The following FOXP1 variants were observed in gnomAD, a reference collection of about 807,000 sequenced individuals.
The protein encoded by FOXP1 is forkhead box protein P1.
In FOXP1, 15 loss-of-function variants were observed where a neutral mutation model predicts 98.2. The ratio of observed to expected loss-of-function variants is 0.15; its 90% confidence interval spans 0.10 to 0.24. FOXP1 has a LOEUF of 0.24. Ranked by LOEUF, FOXP1 falls within the 10% of genes least tolerant of loss-of-function variation. The probability of loss-of-function intolerance (pLI) is 1.00; values close to 1 mark genes in which losing one functional copy is unlikely to be tolerated. For missense variants in FOXP1, 633 were observed against 848.5 expected (o/e 0.75, Z 3.15); for synonymous variants, 371 against 314.5 (o/e 1.18, Z -1.90).
chr3:71,043,075 T>C (rs560242355), intron 10 of FOXP1, among the ~76,000 whole-genome samples: 6 of 152,284 alleles, frequency 3.9e-5, no homozygotes, highest in African/African-American at 1.4e-4. Context: ...CCCGCCTTTC[T>C]GAGAGGAGCG....
At chr3:71,239,225 C>T (rs1374935001) in intron 5 of FOXP1, among the ~76,000 whole-genome samples, 1 of 152,180 alleles carries the variant, frequency 6.6e-6, no homozygotes, top group African/African-American at 2.4e-5. Flanking sequence ...TTCTCCTCTT[C>T]CCTGTCTCCC....
chr3:71,428,309 G>A (rs941802531), intron 3 of FOXP1, among the ~76,000 whole-genome samples: 2 of 152,198 alleles, frequency 1.3e-5, no homozygotes, highest in Non-Finnish European at 2.9e-5. Flanking sequence ...CTCCAAGTGG[G>A]ACACTCTGTC....
intron 3 of FOXP1, among the ~76,000 whole-genome samples, chr3:71,400,004 C>T (rs2081840969): frequency 6.6e-6 from 1 of 152,046 alleles, no homozygotes; most frequent in Admixed American, 6.5e-5. Flanking sequence ...ACACCAATGC[C>T]AAATCTAATT....
chr3:71,037,715 G>A (rs1209936045), intron 11 of FOXP1, among the ~76,000 whole-genome samples: 2 of 152,152 alleles, frequency 1.3e-5, no homozygotes, highest in East Asian at 1.9e-4. Context: ...ATCAAAGCAC[G>A]AAGCATGGTG....
Position 70,965,955 on chromosome 3 carries a change from C to G in FOXP1, c.1824G>C (p.Gly608=). ...LASAIREELN[G]AMEHTNSNES... The stretch of plus-strand genomic sequence containing the variant: ...CGTTGCTGTTGGTATGCTCCATTGC[C>G]CCGTTCAGCTCTTCCCGTATTGCGC... The change falls in exon 20 of 21, where the codon GGG becomes GGC. Residue 608 remains glycine, a synonymous_variant. Coordinates refer to ENST00000649528, the MANE Select transcript of FOXP1 (RefSeq NM_001349338.3). 1 of 1,614,084 alleles carries G rather than the reference C, an allele frequency of 6.2e-7. No individual in the cohort carries two copies. The highest frequency in any genetic ancestry group is 1.1e-5 in the South Asian group (1 of 91,078).
chr3:71,425,662 T>C (rs1000146123), intron 3 of FOXP1, among the ~76,000 whole-genome samples: 5 of 151,924 alleles, frequency 3.3e-5, no homozygotes, highest in African/African-American at 1.2e-4. Flanking sequence ...TCAACCATAA[T>C]AACTCAACTT....
At chr3:71,096,899 C>T (rs534065570) in intron 7 of FOXP1, among the ~76,000 whole-genome samples, 4 of 152,122 alleles carry the variant, frequency 2.6e-5, no homozygotes, top group Non-Finnish European at 5.9e-5. Context: ...TTCACCATTA[C>T]ACCTATCTTA....
chr3:71,373,058 G>T (rs574728998), intron 3 of FOXP1, among the ~76,000 whole-genome samples: 8 of 152,248 alleles, frequency 5.3e-5, no homozygotes, highest in African/African-American at 1.9e-4. Flanking sequence ...TTGTCTGCAC[G>T]CTGAGCTCCT....
At chr3:71,212,619 AATACAAGTTCAGAGTTTATTTAGT>A (rs1358343353) in intron 5 of FOXP1, among the ~76,000 whole-genome samples, 1 of 152,190 alleles carries the variant, frequency 6.6e-6, no homozygotes, top group Non-Finnish European at 1.5e-5. Context: ...GCCTTTCCAC[AATACAAGTTCAGAGTTTATTTAGT>A]AGCAAGTAAC....
intron 2 of FOXP1, among the ~76,000 whole-genome samples, chr3:71,535,770 A>G (rs2044242201): frequency 1.3e-5 from 2 of 152,158 alleles, no homozygotes; most frequent in South Asian, 4.1e-4. Context: ...AACTCTGTTC[A>G]GGCTCCTGGT....
chr3:71,283,957 C>T (rs2071834201), intron 5 of FOXP1, among the ~76,000 whole-genome samples: 1 of 152,180 alleles, frequency 6.6e-6, no homozygotes, highest in South Asian at 2.1e-4. Flanking sequence ...AGTATCCCCA[C>T]TCCTTCAAAC....
intron 3 of FOXP1, among the ~76,000 whole-genome samples, chr3:71,484,540 T>G (rs1406404965): frequency 6.6e-6 from 1 of 152,146 alleles, no homozygotes; most frequent in African/African-American, 2.4e-5. Flanking sequence ...TATCTAACAT[T>G]TGCAAGGTGT....
At chr3:71,007,102 T>C (rs556527203) in intron 12 of FOXP1, among the ~76,000 whole-genome samples, 1 of 152,188 alleles carries the variant, frequency 6.6e-6, no homozygotes, top group South Asian at 2.1e-4. Context: ...AAAAAAGACA[T>C]TAAAAGGGGG....
chr3:71,159,283 G>A (rs1027190499), intron 6 of FOXP1, among the ~76,000 whole-genome samples: 5 of 152,074 alleles, frequency 3.3e-5, no homozygotes, highest in African/African-American at 1.2e-4. Context: ...ATGATTAAGA[G>A]GATGGAAAAT....
intron 5 of FOXP1, among the ~76,000 whole-genome samples, chr3:71,219,310 C>A (rs765039390): frequency 6.6e-6 from 1 of 152,184 alleles, no homozygotes; most frequent in African/African-American, 2.4e-5. Flanking sequence ...AGGCCTATAT[C>A]CTCCAGGCCT....
At chr3:71,142,856 G>C (rs1262693146) in intron 6 of FOXP1, among the ~76,000 whole-genome samples, 1 of 152,174 alleles carries the variant, frequency 6.6e-6, no homozygotes, top group Non-Finnish European at 1.5e-5. Flanking sequence ...CAGAAAAAGA[G>C]ATGAAATCAC....
At chr3:71,282,144 G>A (rs907341569) in intron 5 of FOXP1, among the ~76,000 whole-genome samples, 2 of 151,968 alleles carry the variant, frequency 1.3e-5, no homozygotes, top group South Asian at 4.2e-4. Context: ...GATAAGCCGA[G>A]AAGATCCCTC....
intron 5 of FOXP1, among the ~76,000 whole-genome samples, chr3:71,277,252 C>G (rs1166411580): frequency 6.7e-6 from 1 of 148,902 alleles, no homozygotes; most frequent in Non-Finnish European, 1.5e-5. Context: ...GCCACCGCAC[C>G]TGGCTGAACT....
intron 3 of FOXP1, among the ~76,000 whole-genome samples, chr3:71,476,890 G>C (rs913333420): frequency 6.6e-6 from 1 of 151,956 alleles, no homozygotes; most frequent in Non-Finnish European, 1.5e-5. Flanking sequence ...TAACTGATTA[G>C]GTCTATGACA....
Sources: gnomAD v4.1 joint callset for allele counts (sites outside exome capture counted in the v4.1 genomes callset) on GRCh38, gnomAD v4.1.1 for gene constraint, MANE v1.5 for transcripts, NCBI Gene and HGNC (gene_info 2026-07-23, HGNC 2026-07-21) for gene names.